The following MDGA2 variants were observed in gnomAD, a reference collection of about 807,000 sequenced individuals.
MDGA2 encodes MAM domain containing glycosylphosphatidylinositol anchor 2, also known as MAM domain-containing glycosylphosphatidylinositol anchor protein 2.
MDGA2 carries 40 observed loss-of-function variants against 117.8 expected under a neutral mutation model. The ratio of observed to expected loss-of-function variants is 0.34; its 90% confidence interval spans 0.26 to 0.44. The LOEUF is 0.44. Ranked by LOEUF, MDGA2 falls within the 20% of genes least tolerant of loss-of-function variation. The probability of loss-of-function intolerance (pLI) is 1.00; values close to 1 mark genes in which losing one functional copy is unlikely to be tolerated. For synonymous variants in MDGA2, 452 were observed against 439.0 expected (o/e 1.03, Z -0.37); for missense variants, 1,123 against 1,250.6 (o/e 0.90, Z 1.54).
chr14:47,383,141 G>C (rs548495190), intron 1 of MDGA2, among the ~76,000 whole-genome samples: 275 of 152,216 alleles, frequency 1.8e-3, no homozygotes, highest in African/African-American at 6.2e-3. Flanking sequence ...ACTCATAGGT[G>C]GGAATTGAAC....
intron 2 of MDGA2, among the ~76,000 whole-genome samples, chr14:47,295,411 T>C (rs1889030730): frequency 6.6e-6 from 1 of 152,202 alleles, no homozygotes; most frequent in Non-Finnish European, 1.5e-5. Context: ...GAGAACTTCC[T>C]TTTAAAAACC....
intron 7 of MDGA2, among the ~76,000 whole-genome samples, chr14:47,053,637 ATATATATATATATATATACAC>A (rs2138738304): frequency 1.2e-5 from 1 of 85,132 alleles, no homozygotes; most frequent in Non-Finnish European, 2.4e-5. Context: ...ATATATATAT[ATATATATATATATATATACAC>A]ACACACACAC....
At position 47,645,625 on chromosome 14, in the gene MDGA2, A is replaced by G. The variant is rs530414023; in HGVS notation, c.280+28892T>C. ...AATAATTCTTATAATTACAAATATT[A>G]TAATTACAGACTGTTTCATTATTAT... On this transcript the variant is annotated intron_variant, in intron 1 of 16. Coordinates refer to ENST00000399232, the MANE Select transcript of MDGA2 (RefSeq NM_001113498.3). Among the ~76,000 whole-genome samples the G allele has an allele frequency of 2.0e-5, 3 of 152,176 alleles. No individual in the cohort carries two copies. The South Asian group carries it at 6.2e-4, about 32-fold the overall frequency.
chr14:47,512,405 C>G (rs1894660727), intron 1 of MDGA2, among the ~76,000 whole-genome samples: 1 of 152,066 alleles, frequency 6.6e-6, no homozygotes. Context: ...AATGTGATCT[C>G]AATTCAACTG....
chr14:47,213,006 A>T (rs1248625980), intron 3 of MDGA2, among the ~76,000 whole-genome samples: 2 of 152,102 alleles, frequency 1.3e-5, no homozygotes, highest in African/African-American at 4.8e-5. Context: ...TCATTCTGAG[A>T]TTAACTTCAA....
At chr14:47,385,615 G>T (rs1415711476) in intron 1 of MDGA2, among the ~76,000 whole-genome samples, 2 of 152,108 alleles carry the variant, frequency 1.3e-5, no homozygotes, top group Non-Finnish European at 2.9e-5. Flanking sequence ...TCAGAAGAAA[G>T]GTGAGTGAGC....
intron 1 of MDGA2, among the ~76,000 whole-genome samples, chr14:47,651,353 A>G (rs1196736481): frequency 6.6e-6 from 1 of 152,088 alleles, no homozygotes; most frequent in Admixed American, 6.6e-5. Flanking sequence ...AGCACACACA[A>G]AGACTCTGAG....
chr14:47,017,863 A>AG (rs1888139542), intron 8 of MDGA2, among the ~76,000 whole-genome samples: 1 of 152,128 alleles, frequency 6.6e-6, no homozygotes, highest in Admixed American at 6.5e-5. Context: ...AACCCTTAAG[A>AG]GGAGTCCATG....
At chr14:47,188,732 A>T (rs1885002089) in intron 3 of MDGA2, among the ~76,000 whole-genome samples, 2 of 152,208 alleles carry the variant, frequency 1.3e-5, no homozygotes, top group South Asian at 4.1e-4. Context: ...ATTACAAAGA[A>T]CAAAAATGAA....
chr14:47,041,794 A>G (rs531418126), intron 7 of MDGA2, among the ~76,000 whole-genome samples: 34 of 152,210 alleles, frequency 2.2e-4, no homozygotes, highest in Admixed American at 5.9e-4. Context: ...TTACTTAGAA[A>G]ATGGCTTAAA....
Position 46,957,525 on chromosome 14 carries a change from G to A in MDGA2, c.1938C>T (p.Arg646=). The change falls in exon 9 of 17, where the codon CGC becomes CGT. Residue 646 remains arginine (R), a synonymous_variant. Transcript: ENST00000399232. ...YPIRVLTYEW[R]LGNKLLRTGQ... is the part of the protein sequence containing the mutation. ...CCGTCCGTAATAATTTATTGCCCAA[G>A]CGCCACTCATAGGTCAGCACCCGTA... The A allele has an allele frequency of 6.2e-7, 1 of 1,614,110 alleles. No homozygotes were observed.
At chr14:47,594,824 G>A (rs191408364) in intron 1 of MDGA2, among the ~76,000 whole-genome samples, 29 of 152,286 alleles carry the variant, frequency 1.9e-4, no homozygotes, top group African/African-American at 6.7e-4. Flanking sequence ...GTGATCAAAT[G>A]GAGCCAAAAA....
intron 9 of MDGA2, among the ~76,000 whole-genome samples, chr14:46,952,446 T>C (rs1407842461): frequency 6.6e-6 from 1 of 151,996 alleles, no homozygotes. Context: ...TGTTACTTTC[T>C]GAAATGATAC....
At chr14:47,367,966 G>T (rs1386713272) in intron 1 of MDGA2, among the ~76,000 whole-genome samples, 1 of 152,078 alleles carries the variant, frequency 6.6e-6, no homozygotes, top group African/African-American at 2.4e-5. Context: ...AGTACCCTAT[G>T]TTAGCCACAC....
At chr14:47,663,347 T>C (rs1241595903) in intron 1 of MDGA2, among the ~76,000 whole-genome samples, 1 of 152,200 alleles carries the variant, frequency 6.6e-6, no homozygotes, top group South Asian at 2.1e-4. Context: ...CAGTCCTGAG[T>C]AAAGATTGCC....
At chr14:47,513,611 C>T (rs1238677533) in intron 1 of MDGA2, among the ~76,000 whole-genome samples, 27 of 151,824 alleles carry the variant, frequency 1.8e-4, no homozygotes, top group Non-Finnish European at 1.5e-5. Context: ...AGCATTTCAC[C>T]AGTAATAGCA....
intron 1 of MDGA2, among the ~76,000 whole-genome samples, chr14:47,400,545 A>C (rs1455484848): frequency 6.6e-6 from 1 of 151,556 alleles, no homozygotes. Flanking sequence ...CGCTGGAAGA[A>C]AAACAACACA....
At position 47,315,990 on chromosome 14, in the gene MDGA2, T is replaced by A. The variant is rs542199029; in HGVS notation, c.281-14440A>T. ...CCTCTAGTTATAAAGTCTCCAATGATAAAAGAGTTAAATCTTCCCAATGTT... is the reference window on the plus strand; with the variant it reads ...CCTCTAGTTATAAAGTCTCCAATGAAAAAAGAGTTAAATCTTCCCAATGTT... On this transcript the variant is annotated intron_variant, in intron 1 of 16. Coordinates refer to ENST00000399232, the MANE Select transcript of MDGA2 (RefSeq NM_001113498.3). 3.9e-5 allele frequency among the ~76,000 whole-genome samples: 6 copies of A among 152,170 alleles called. No individual in the cohort carries two copies. In the East Asian group the frequency reaches 1.2e-3, roughly 29 times the overall value.
intron 3 of MDGA2, among the ~76,000 whole-genome samples, chr14:47,175,314 C>T (rs1336149955): frequency 6.6e-6 from 1 of 151,828 alleles, no homozygotes; most frequent in Non-Finnish European, 1.5e-5. Context: ...CCAGCATCAT[C>T]CTGATACCAA....
Sources: gnomAD v4.1 joint callset for allele counts (sites outside exome capture counted in the v4.1 genomes callset) on GRCh38, gnomAD v4.1.1 for gene constraint, MANE v1.5 for transcripts, NCBI Gene and HGNC (gene_info 2026-07-23, HGNC 2026-07-21) for gene names.